CSMD1: variants seen among roughly 807,000 people sequenced by gnomAD.
CSMD1 encodes the protein CUB and Sushi multiple domains 1, also known as CUB and sushi domain-containing protein 1.
A neutral mutation model predicts 417.5 loss-of-function variants in CSMD1; 213 were observed. The ratio of observed to expected loss-of-function variants is 0.51; its 90% confidence interval spans 0.46 to 0.57. The LOEUF is 0.57. Among genes scored for constraint, CSMD1 ranks in the 20% least tolerant of loss-of-function variants. The probability of loss-of-function intolerance (pLI) is 0.00; values close to 1 mark genes in which losing one functional copy is unlikely to be tolerated. For missense variants in CSMD1, 6,923 were observed against 4,529.7 expected, an observed-to-expected ratio of 1.53 and a Z score of -15.17; for synonymous variants, 2,862 against 1,736.8, an observed-to-expected ratio of 1.65 and a Z score of -16.11.
At chr8:2,971,270 C>T (rs144604800) in intron 57 of CSMD1, among the ~76,000 whole-genome samples, 2 of 152,140 alleles carry the variant, frequency 1.3e-5, no homozygotes, top group Non-Finnish European at 2.9e-5. Context: ...TCAGACTCTA[C>T]CATCTCGGTA....
intron 2 of CSMD1, among the ~76,000 whole-genome samples, chr8:4,567,517 G>T (rs1011677569): frequency 1.3e-5 from 2 of 152,068 alleles, no homozygotes; most frequent in Admixed American, 6.5e-5. Flanking sequence ...CTTAGAAATC[G>T]CAGGTAGACT....
In CSMD1 at chr8:4,529,752, C is replaced by T. The variant is rs143613548; in HGVS notation, c.302+107590G>A. ...CTTACAAATTTTTCAGACTATAAAG[C>T]GGTCCTGACAGCAAAAGTTTCAGAA... On this transcript the variant is annotated intron_variant, in intron 2 of 69. Transcript: ENST00000635120. Among the ~76,000 whole-genome samples the T allele has an allele frequency of 1.6e-3, 248 of 152,078 alleles. 1 individual carries two copies. The highest frequency in any genetic ancestry group is 5.6e-3 in the African/African-American group (232 of 41,518).
chr8:3,151,796 G>A (rs145356662), intron 39 of CSMD1, among the ~76,000 whole-genome samples: 7 of 152,230 alleles, frequency 4.6e-5, no homozygotes, highest in Admixed American at 1.3e-4. Flanking sequence ...TAATGTTTGC[G>A]TCACAGTCAG....
At chr8:3,626,680 C>T (rs1249369378) in intron 7 of CSMD1, among the ~76,000 whole-genome samples, 2 of 150,962 alleles carry the variant, frequency 1.3e-5, no homozygotes, top group African/African-American at 2.4e-5. Context: ...AAGTACATTC[C>T]AATACAGTAA....
chr8:4,446,360 C>T (rs372444383), intron 2 of CSMD1, among the ~76,000 whole-genome samples: 3 of 152,090 alleles, frequency 2.0e-5, no homozygotes, highest in Non-Finnish European at 2.9e-5. Context: ...CCAGCCTGGG[C>T]AACATGGCAG....
chr8:3,514,110 A>C (rs1184103438), intron 10 of CSMD1, among the ~76,000 whole-genome samples: 1 of 152,056 alleles, frequency 6.6e-6, no homozygotes, highest in Admixed American at 6.5e-5. Context: ...CTCTTGGCAG[A>C]TAGGAGGCTC....
chr8:3,051,629 G>A (rs184691062), intron 50 of CSMD1, among the ~76,000 whole-genome samples: 11 of 152,168 alleles, frequency 7.2e-5, no homozygotes, highest in Non-Finnish European at 1.6e-4. Context: ...CATTCTATAT[G>A]TACTGACATG....
intron 9 of CSMD1, among the ~76,000 whole-genome samples, chr8:3,577,545 T>G (rs543015270): frequency 2.0e-5 from 3 of 152,344 alleles, no homozygotes; most frequent in South Asian, 2.1e-4. Flanking sequence ...CAGAGATTTG[T>G]GTCTGATTTG....
Position 3,571,794 on chromosome 8 carries a change from GCT to G in CSMD1, c.1344+3149_1344+3150del, listed in dbSNP as rs1368623835. On this transcript the variant is annotated intron_variant, in intron 10 of 69. Coordinates refer to ENST00000635120, the MANE Select transcript of CSMD1 (RefSeq NM_033225.6). ...TCCCCTGCACCACTCCATGGTGTCT[GCT>G]CTGTTTCAGACCTTATCATCTTTCA... Among the ~76,000 whole-genome samples the G allele has an allele frequency of 1.3e-4, 19 of 151,998 alleles. 1 individual carries two copies. The highest frequency in any genetic ancestry group is 4.6e-4 in the African/African-American group (19 of 41,366).
At chr8:3,775,654 T>C (rs761111811) in intron 5 of CSMD1, among the ~76,000 whole-genome samples, 4 of 152,190 alleles carry the variant, frequency 2.6e-5, no homozygotes, top group South Asian at 2.1e-4. Context: ...AAGTCATAGA[T>C]TGTCGGGGAG....
intron 37 of CSMD1, among the ~76,000 whole-genome samples, chr8:3,169,178 A>G (rs1445651908): frequency 1.3e-5 from 2 of 152,182 alleles, no homozygotes; most frequent in Non-Finnish European, 1.5e-5. Flanking sequence ...ATGTGCAGGA[A>G]TCATGCATCT....
At chr8:4,695,972 G>A (rs775905414) in intron 1 of CSMD1, among the ~76,000 whole-genome samples, 6 of 152,166 alleles carry the variant, frequency 3.9e-5, no homozygotes, top group Non-Finnish European at 7.3e-5. Context: ...CTTGGGTTCC[G>A]GAGGGAGAAT....
intron 7 of CSMD1, among the ~76,000 whole-genome samples, chr8:3,657,694 A>G (rs769052097): frequency 8.5e-5 from 13 of 152,148 alleles, no homozygotes; most frequent in Non-Finnish European, 1.6e-4. Flanking sequence ...AGGGCCTGTC[A>G]GTGGGTAGGG....
At chr8:4,251,700 T>G (rs1803088619) in intron 3 of CSMD1, among the ~76,000 whole-genome samples, 1 of 152,058 alleles carries the variant, frequency 6.6e-6, no homozygotes, top group Non-Finnish European at 1.5e-5. Context: ...CTTGGACAGT[T>G]AAATGTATGT....
At chr8:4,028,186 G>C (rs771845725) in intron 4 of CSMD1, among the ~76,000 whole-genome samples, 2 of 152,150 alleles carry the variant, frequency 1.3e-5, no homozygotes, top group Non-Finnish European at 2.9e-5. Context: ...GTAGGAACTA[G>C]TCATCATATG....
At chr8:4,158,894 G>A (rs1351218971) in intron 3 of CSMD1, among the ~76,000 whole-genome samples, 1 of 152,104 alleles carries the variant, frequency 6.6e-6, no homozygotes, top group Non-Finnish European at 1.5e-5. Flanking sequence ...GTTTCCAGCT[G>A]AAAAGAAAGA....
At chr8:3,333,190 G>A (rs1392858129) in intron 23 of CSMD1, among the ~76,000 whole-genome samples, 1 of 152,126 alleles carries the variant, frequency 6.6e-6, no homozygotes, top group African/African-American at 2.4e-5. Flanking sequence ...TGAGACCACA[G>A]CCCAGCCAAC....
chr8:4,894,768 A>T (rs1804368542), intron 1 of CSMD1, among the ~76,000 whole-genome samples: 1 of 151,854 alleles, frequency 6.6e-6, no homozygotes, highest in Non-Finnish European at 1.5e-5. Flanking sequence ...GTGCACATGT[A>T]TAAAATCTTC....
At chr8:4,196,928 A>T (rs7836811) in intron 3 of CSMD1, among the ~76,000 whole-genome samples, 1,580 of 152,296 alleles carry the variant, frequency 0.01, 30 homozygotes, top group African/African-American at 0.032. Context: ...TGTTCATGTT[A>T]AAATTTGTTT....
Sources: gnomAD v4.1 joint callset for allele counts (sites outside exome capture counted in the v4.1 genomes callset) on GRCh38, gnomAD v4.1.1 for gene constraint, MANE v1.5 for transcripts, NCBI Gene and HGNC (gene_info 2026-07-23, HGNC 2026-07-21) for gene names.